The following CLK1 variants were observed in gnomAD, a reference collection of about 807,000 sequenced individuals.
The protein encoded by CLK1 is CDC like kinase 1.
Under a neutral mutation model 60.9 loss-of-function variants are expected in CLK1, and 40 were observed. The observed-to-expected ratio is 0.66, with a 90% CI of 0.51 to 0.86. CLK1 has a LOEUF of 0.86. Ranked by LOEUF, CLK1 falls within the 40% of genes least tolerant of loss-of-function variation. The pLI is 0.00. For synonymous variants in CLK1, 203 were observed against 184.4 expected, an observed-to-expected ratio of 1.10 and a Z score of -0.82; for missense variants, 563 against 606.1, an observed-to-expected ratio of 0.93 and a Z score of 0.75.
At chr2:200,857,163 G>A (rs1054098650) in intron 7 of CLK1, 178 bp from the exon 8 acceptor site, 11 of 586,014 alleles carry the variant, frequency 1.9e-5, no homozygotes, top group Admixed American at 5.9e-5. Context: ...AAAATTGGCC[G>A]GGTGTGGTGG....
chr2:200,860,122 T>C lies in CLK1; in HGVS notation c.481+3A>G, dbSNP rs369549247. 32 of 1,612,632 alleles carry C rather than the reference T, an allele frequency of 2.0e-5. No individual in the cohort carries two copies. Among genetic ancestry groups the C allele is most frequent in the Non-Finnish European group, 2.7e-5 (32 of 1,178,754 alleles). ...TTAATAAGTGTTGAAAAATATTCTA[T>C]ACATCTTGCACTTAGTACGTCTCCA... On this transcript the variant is annotated splice_donor_region_variant and intron_variant, in intron 4 of 12. Transcript: ENST00000321356.
Position 200,861,399 on chromosome 2 carries a change from T to C in CLK1, c.229A>G (p.Arg77Gly). The C allele has an allele frequency of 6.2e-7, 1 of 1,614,202 alleles. No individual in the cohort carries two copies. Among genetic ancestry groups the C allele is most frequent in the Non-Finnish European group, 8.5e-7 (1 of 1,180,032 alleles). The part of the protein sequence containing the change: ...YHSRRYIDEY[R>G]NDYTQGCEPG... ...TCACATCCTTGAGTGTAGTCATTTC[T>C]GTACTCATCAATGTAGCGTCGACTA... Residue 77 changes from arginine (R) to glycine (G), a missense_variant, in exon 3 of 13, where the codon AGA becomes GGA. This residue lies in a region of CLK1 where 198 missense variants were observed against 179.2 expected (regional missense o/e 1.10). Transcript: ENST00000321356.
At position 200,853,195 on chromosome 2, in the gene CLK1, G is replaced by A; in HGVS notation, c.*111C>T. 1.3e-6 allele frequency: 1 copy of A among 762,040 alleles called. No individual in the cohort carries two copies. Among genetic ancestry groups the A allele is most frequent in the South Asian group, 2.4e-5 (1 of 42,414 alleles). The allele number at this position is 762,040 out of a possible 1,614,324, so 47.2% of individuals were successfully genotyped here. On this transcript the variant is annotated 3_prime_UTR_variant, in exon 13 of 13. Coordinates refer to ENST00000321356, the MANE Select transcript of CLK1 (RefSeq NM_004071.4). ...AAATTACCCAAACAAAATAAACATGGCAATATAAAAATGTTAAGAATTTAC... is the reference window on the plus strand; with the variant it reads ...AAATTACCCAAACAAAATAAACATGACAATATAAAAATGTTAAGAATTTAC...
At chr2:200,857,425 T>A (rs2039062010) in intron 7 of CLK1, 2 of 285,506 alleles carry the variant, frequency 7.0e-6, no homozygotes, top group Admixed American at 9.3e-5. Context: ...AGCTTTCTTT[T>A]ATGAGATATA....
At chr2:200,864,406 G>T in intron 1 of CLK1, 158 bp downstream of exon 1, 1 of 788,830 alleles carries the variant, frequency 1.3e-6, no homozygotes, top group Non-Finnish European at 1.9e-6. Context: ...GGAAAGAGGG[G>T]CGCGCCGCCA....
intron 2 of CLK1, 62 bp downstream of exon 2, chr2:200,861,640 G>A: frequency 2.5e-6 from 4 of 1,581,722 alleles, no homozygotes; most frequent in Middle Eastern, 1.7e-4. Flanking sequence ...CTTATTTTAA[G>A]TGATACTAGT....
chr2:200,857,199 G>A (rs1030245071), intron 7 of CLK1: 34 of 521,650 alleles, frequency 6.5e-5, no homozygotes, highest in African/African-American at 3.2e-4. Flanking sequence ...CTAGCTACTC[G>A]GGAGGCTGAG....
intron 4 of CLK1, 43 bp downstream of exon 4, chr2:200,860,080 TTA>T (rs748580602): frequency 3.7e-6 from 6 of 1,600,742 alleles, no homozygotes; most frequent in South Asian, 2.2e-5. Flanking sequence ...TATATATAGA[TTA>T]TGTTATCTGA....
chr2:200,864,171 G>C lies in CLK1; in HGVS notation c.-1+393C>G, dbSNP rs144793807. 2.9e-4 allele frequency: 457 copies of C among 1,550,880 alleles called. 3 individuals carry two copies. The Middle Eastern group carries it at 3.7e-3, about 12-fold the overall frequency. ...GAACCCCAGCAAATCCCCCCTCAAC[G>C]GGGAGCCTCGCCTTTCCGGCCACAG... On this transcript the variant is annotated intron_variant, in intron 1 of 12. Coordinates refer to ENST00000321356, the MANE Select transcript of CLK1 (RefSeq NM_004071.4).
At chr2:200,859,427 T>C (rs1031087185) in intron 5 of CLK1, among the ~76,000 whole-genome samples, 1 of 152,190 alleles carries the variant, frequency 6.6e-6, no homozygotes, top group African/African-American at 2.4e-5. Flanking sequence ...CAGTGTCCAG[T>C]TGAACAACAA....
rs182509222 is a variant in CLK1, at chr2:200,861,009, T to A, written c.390+229A>T. On this transcript the variant is annotated intron_variant, in intron 3 of 12. Coordinates refer to ENST00000321356, the MANE Select transcript of CLK1 (RefSeq NM_004071.4). ...AAATTAAATCAATTAACTCCCATCA[T>A]TTCACTGGAATGTCAATTAGGAGCC... 1.7e-4 allele frequency: 221 copies of A among 1,331,094 alleles called. 2 individuals are homozygous for A. In the East Asian group the frequency reaches 5.4e-3, roughly 32 times the overall value. 82.5% of individuals were successfully genotyped at this position (1,331,094 alleles called of 1,614,324 possible). A position where few individuals can be genotyped will look rare whatever the true frequency, so the allele number is the denominator to read the frequency against.
At chr2:200,859,475 C>T (rs1202441972) in intron 5 of CLK1, among the ~76,000 whole-genome samples, 2 of 152,058 alleles carry the variant, frequency 1.3e-5, no homozygotes, top group East Asian at 1.9e-4. Context: ...GTGTTCTCAG[C>T]CTAAAATTAG....
intron 12 of CLK1, 95 bp from the exon 13 acceptor site, chr2:200,853,544 T>G: frequency 8.3e-7 from 1 of 1,197,974 alleles, no homozygotes. Flanking sequence ...ATAACCACCA[T>G]AAAAACAGAA....
At chr2:200,856,868 T>A in intron 8 of CLK1, 23 bp downstream of exon 8, 1 of 1,614,046 alleles carries the variant, frequency 6.2e-7, no homozygotes, top group Non-Finnish European at 8.5e-7. Context: ...TAAGATACTT[T>A]ATGAATATTT....
Position 200,860,035 on chromosome 2 carries a change from GAAAA to G in CLK1, c.481+86_481+89del, listed in dbSNP as rs2039110450. 33 of 1,508,438 alleles carry G rather than the reference GAAAA, an allele frequency of 2.2e-5. 1 individual carries two copies. In the South Asian group the frequency reaches 4.1e-4, roughly 19 times the overall value. The allele number at this position is 1,508,438 out of a possible 1,614,324, so 93.4% of individuals were successfully genotyped here. A position where few individuals can be genotyped will look rare whatever the true frequency, so the allele number is the denominator to read the frequency against. On this transcript the variant is annotated intron_variant, in intron 4 of 12. Coordinates refer to ENST00000321356, the MANE Select transcript of CLK1 (RefSeq NM_004071.4). ...ATAAAACAAAAACAAAAAAGAGAAA[GAAAA>G]AAAGATTTCCAAATCCCTGAAAGCT...
rs1236367085 is a variant in CLK1, at chr2:200,864,550, C to T, written c.-1+14G>A. Reference sequence around the variant, plus strand: ...ACGGCCCTGTCACCTAGTCCGCTCCCTCCTGCGTCTTACCGTCCTGGACAA... The same window carrying T: ...ACGGCCCTGTCACCTAGTCCGCTCCTTCCTGCGTCTTACCGTCCTGGACAA... On this transcript the variant is annotated intron_variant, in intron 1 of 12. Transcript: ENST00000321356. The T allele has an allele frequency of 6.0e-6, 2 of 330,790 alleles. No homozygotes were observed. Among genetic ancestry groups the T allele is most frequent in the Non-Finnish European group, 1.1e-5 (2 of 179,244 alleles). 20.5% of individuals were successfully genotyped at this position (330,790 alleles called of 1,614,324 possible). A position where few individuals can be genotyped will look rare whatever the true frequency, so the allele number is the denominator to read the frequency against.
Position 200,859,740 on chromosome 2 carries a change from A to G in CLK1, c.488T>C (p.Ile163Thr). 1 of 1,613,444 alleles carries G rather than the reference A, an allele frequency of 6.2e-7. No individual in the cohort carries two copies. Among genetic ancestry groups the G allele is most frequent in the South Asian group, 1.1e-5 (1 of 91,006 alleles). ...SGDVLSARYE[I>T]VDTLGEGAFG... ...AGCTCCTTCACCTAAAGTATCAACAATTTCATCTAAAAGAGAGAAATAAAT... is the reference window on the plus strand; with the variant it reads ...AGCTCCTTCACCTAAAGTATCAACAGTTTCATCTAAAAGAGAGAAATAAAT... Residue 163 changes from isoleucine (I) to threonine (T), a missense_variant, in exon 5 of 13, where the codon ATT becomes ACT. Transcript: ENST00000321356.
Position 200,857,962 on chromosome 2 carries a change from C to G in CLK1, c.665+11G>C. The stretch of plus-strand genomic sequence containing the variant: ...CTGATACCACTTCCCAAGTTCTAAT[C>G]TGATACTTACAAAGTACTGTTGGGG... On this transcript the variant is annotated intron_variant, in intron 6 of 12. Transcript: ENST00000321356. The G allele has an allele frequency of 6.2e-7, 1 of 1,612,652 alleles. No homozygotes were observed. The highest frequency in any genetic ancestry group is 8.5e-7 in the Non-Finnish European group (1 of 1,178,720).
chr2:200,863,919 T>TC (rs1323460120), intron 1 of CLK1, among the ~76,000 whole-genome samples: 1 of 152,174 alleles, frequency 6.6e-6, no homozygotes, highest in Non-Finnish European at 1.5e-5. Flanking sequence ...AAATTCTCGG[T>TC]CACCTGACTT....
Sources: gnomAD v4.1 joint callset for allele counts (sites outside exome capture counted in the v4.1 genomes callset) on GRCh38, gnomAD v4.1.1 for gene constraint, gnomAD v4.1.1 regional missense constraint, MANE v1.5 for transcripts, NCBI Gene and HGNC (gene_info 2026-07-23, HGNC 2026-07-21) for gene names.